Variants in PLXNB2 observed in about 807,000 individuals in gnomAD.
PLXNB2 encodes plexin B2, also known as plexin-B2.
In PLXNB2, 85 loss-of-function variants were observed where a neutral mutation model predicts 202.6. The observed-to-expected ratio is 0.42, with a 90% CI of 0.35 to 0.50. The LOEUF (loss-of-function observed/expected upper bound fraction) is 0.50. Ranked by LOEUF, PLXNB2 falls within the 20% of genes least tolerant of loss-of-function variation. PLXNB2 has a pLI of 0.02. For synonymous variants in PLXNB2, 1,239 were observed against 1,137.6 expected, an observed-to-expected ratio of 1.09 and a Z score of -1.79; for missense variants, 2,063 against 2,586.2, an observed-to-expected ratio of 0.80 and a Z score of 4.39.
intron 1 of PLXNB2, among the ~76,000 whole-genome samples, 168 bp from the exon 2 acceptor site, chr22:50,294,946 C>G (rs1256123177): frequency 6.6e-6 from 1 of 152,210 alleles, no homozygotes; most frequent in African/African-American, 2.4e-5. Context: ...CAGACACCTC[C>G]AGGGCTCCTG....
chr22:50,282,054 T>C lies in PLXNB2; in HGVS notation c.3145A>G (p.Asn1049Asp), dbSNP rs1166542517. 3 of 1,612,322 alleles carry C rather than the reference T, an allele frequency of 1.9e-6. No individual in the cohort carries two copies. The highest frequency in any genetic ancestry group is 2.2e-5 in the South Asian group (2 of 91,088). Residue 1049 changes from asparagine to aspartate, a missense_variant, in exon 20 of 37, where the codon AAT becomes GAT. By Grantham distance (23) the Asn-to-Asp change is conservative. Coordinates refer to ENST00000359337, the MANE Select transcript of PLXNB2 (RefSeq NM_012401.4). ...GACAGGAAGACGACCTTGGTGTCAT[T>C]GTGGAACACGTAGTCTGTACCCACC... is the stretch of plus-strand genomic sequence containing the variant. ...TVVGTDYVFH[N>D]DTKVVFLSPA...
In PLXNB2 at chr22:50,289,660, C is replaced by T. The variant is rs1242732256; in HGVS notation, c.925G>A (p.Ala309Thr). Residue 309 changes from alanine to threonine, a missense_variant, in exon 3 of 37, where the codon GCG becomes ACG. By Grantham distance (58) the Ala-to-Thr change is moderately conservative. Around this residue, in one of 2 missense-constraint regions of PLXNB2, gnomAD observed 1,303 missense variants for 1,476.8 expected, o/e 0.88. Coordinates refer to ENST00000359337, the MANE Select transcript of PLXNB2 (RefSeq NM_012401.4). This position sits in a 1 kb window ranked among gnomAD's most constrained non-coding sequence, Gnocchi z 8.0. ...TCCAGCGGGAACAGGCAGAGGCCCG[C>T]ACCGGGCCCCCCACTGCTCCGGCTG... ...RDSRSSGGPG[A>T]GLCLFPLDKV... The T allele has an allele frequency of 1.2e-6, 2 of 1,609,558 alleles. No homozygotes were observed. Among genetic ancestry groups the T allele is most frequent in the African/African-American group, 2.7e-5 (2 of 74,954 alleles).
Position 50,277,909 on chromosome 22 carries a change from C to T in PLXNB2, c.4992G>A (p.Gln1664=). Residue 1664 remains glutamine, a synonymous_variant, in exon 32 of 37, where the codon CAG becomes CAA. Transcript: ENST00000359337. ...VKYFFDFLDE[Q]AEKHNIQDED... is the part of the protein sequence containing the mutation. ...CATCCTGGATGTTGTGCTTCTCTGC[C>T]TGCTCGTCCAGGAAGTCGAAGAAGT... 6.2e-7 allele frequency: 1 copy of T among 1,613,244 alleles called. No homozygotes were observed. The highest frequency in any genetic ancestry group is 8.5e-7 in the Non-Finnish European group (1 of 1,179,984).
intron 1 of PLXNB2, among the ~76,000 whole-genome samples, chr22:50,304,545 C>T (rs2147732204): frequency 6.6e-6 from 1 of 152,170 alleles, no homozygotes; most frequent in East Asian, 1.9e-4. Flanking sequence ...AGAAGCAGGC[C>T]CTGTGTCAAG....
intron 2 of PLXNB2, among the ~76,000 whole-genome samples, chr22:50,293,342 C>T (rs867260526): frequency 2.6e-5 from 4 of 152,200 alleles, no homozygotes; most frequent in Non-Finnish European, 5.9e-5. Flanking sequence ...AGCGCCTGCC[C>T]GAAGGCTCCC....
At chr22:50,293,509 G>A (rs945492657) in intron 2 of PLXNB2, among the ~76,000 whole-genome samples, 2 of 152,032 alleles carry the variant, frequency 1.3e-5, no homozygotes, top group Non-Finnish European at 2.9e-5. Flanking sequence ...TCCCAGCCCC[G>A]CTCACCCGGC....
In PLXNB2 at chr22:50,284,639, G is replaced by C. The variant is rs200637738; in HGVS notation, c.2115C>G (p.Asp705Glu). The change falls in exon 12 of 37, where the codon GAC (aspartate) becomes GAG (glutamate). Residue 705 changes from aspartate (D) to glutamate (E), a missense_variant. Transcript: ENST00000359337. This position sits in a 1 kb window ranked among gnomAD's most constrained non-coding sequence, Gnocchi z 8.0. The part of the protein sequence containing the change: ...VKGSSLHVGS[D>E]LLKFMEPVTM... ...TCACCGGCTCCATGAACTTGAGCAA[G>C]TCACTGCCCACGTGCAGGGAGGAAC... 2.8e-4 allele frequency: 448 copies of C among 1,612,622 alleles called. 3 individuals carry two copies. The Middle Eastern group carries it at 3.3e-3, about 12-fold the overall frequency.
chr22:50,307,541 C>G lies in PLXNB2; in HGVS notation c.-74+12G>C. The stretch of plus-strand genomic sequence containing the variant: ...AGACGTCCCCCGCAGCCCAGTCCCC[C>G]GAGCTCGGTACCTGCACGTCCGCCG... On this transcript the variant is annotated intron_variant, in intron 1 of 36. Transcript: ENST00000359337. 1.1e-5 allele frequency: 11 copies of G among 981,484 alleles called. No individual in the cohort carries two copies. The highest frequency in any genetic ancestry group is 1.1e-5 in the Non-Finnish European group (9 of 828,030). The allele number at this position is 981,484 out of a possible 1,614,324, so 60.8% of individuals were successfully genotyped here. A position where few individuals can be genotyped will look rare whatever the true frequency, so the allele number is the denominator to read the frequency against.
chr22:50,281,201 A>G lies in PLXNB2; in HGVS notation c.3663-12T>C, dbSNP rs2147373924. ...GCTGGCTCTTCCTCCTGCAAGGCAC[A>G]GCGGGCCTCCTAGGTTCTGCCGGGG... On this transcript the variant is annotated splice_polypyrimidine_tract_variant and intron_variant, in intron 22 of 36. Transcript: ENST00000359337. The G allele has an allele frequency of 1.9e-6, 3 of 1,607,068 alleles. No homozygotes were observed. The highest frequency in any genetic ancestry group is 1.1e-5 in the South Asian group (1 of 90,504).
chr22:50,300,282 G>A (rs542944112), intron 1 of PLXNB2: 1 of 985,302 alleles, frequency 1.0e-6, no homozygotes, highest in Admixed American at 6.1e-5. Flanking sequence ...CTCACCTGGC[G>A]TCGGGCACAT....
At position 50,283,085 on chromosome 22, in the gene PLXNB2, G is replaced by A. The variant is rs772970097; in HGVS notation, c.2781C>T (p.Asp927=). ...GTHLDTGSQE[D]VRVTLNGVPC... is the part of the protein sequence containing the mutation. ...GGACGCCGTTGAGGGTCACCCGCAC[G>A]TCCTCCTGGGAGCCCGTGTCCAGGT... The change falls in exon 17 of 37, where the codon GAC becomes GAT. Residue 927 remains aspartate, a synonymous_variant. Transcript: ENST00000359337. The A allele has an allele frequency of 1.2e-5, 19 of 1,608,872 alleles. No homozygotes were observed. The highest frequency in any genetic ancestry group is 3.3e-4 in the Middle Eastern group (2 of 6,046).
chr22:50,294,200 T>TAG (rs2067095771), intron 2 of PLXNB2, among the ~76,000 whole-genome samples: 1 of 152,226 alleles, frequency 6.6e-6, no homozygotes, highest in Non-Finnish European at 1.5e-5. Context: ...GACCCCCACT[T>TAG]ACGGGGCTGG....
intron 1 of PLXNB2, among the ~76,000 whole-genome samples, chr22:50,299,892 C>A (rs967085489): frequency 6.6e-6 from 1 of 152,150 alleles, no homozygotes; most frequent in African/African-American, 2.4e-5. Flanking sequence ...TCCTCGCAGG[C>A]CGACCCAGGT....
At chr22:50,281,764 G>A (rs753415131) in intron 20 of PLXNB2, 22 bp from the exon 21 acceptor site, 4 of 1,562,964 alleles carry the variant, frequency 2.6e-6, no homozygotes, top group African/African-American at 2.7e-5. Flanking sequence ...GCAGTGGTCG[G>A]GGTGAGGAGG....
intron 1 of PLXNB2, among the ~76,000 whole-genome samples, chr22:50,296,016 C>T (rs1223232806): frequency 1.3e-5 from 2 of 152,088 alleles, no homozygotes; most frequent in Non-Finnish European, 2.9e-5. Context: ...GCAAGATAAT[C>T]GCTTGAACCT....
At chr22:50,294,341 G>GC (rs1414170970) in intron 2 of PLXNB2, among the ~76,000 whole-genome samples, 1 of 152,138 alleles carries the variant, frequency 6.6e-6, no homozygotes, top group Non-Finnish European at 1.5e-5. Flanking sequence ...CCAGGCCACA[G>GC]CAACTCCAGC....
chr22:50,280,714 G>GGGGGCCCCCCCC, intron 24 of PLXNB2, 30 bp downstream of exon 24: 1 of 1,528,954 alleles, frequency 6.5e-7, no homozygotes, highest in Non-Finnish European at 8.9e-7. Flanking sequence ...CCACCTGTGT[G>GGGGGCCCCCCCC]CCCTCCCGCC....
intron 1 of PLXNB2, among the ~76,000 whole-genome samples, chr22:50,302,365 C>T (rs950451077): frequency 3.3e-5 from 5 of 152,154 alleles, no homozygotes; most frequent in African/African-American, 9.7e-5. Context: ...AGGTGATGCC[C>T]GTGGCTGGAG....
intron 1 of PLXNB2, among the ~76,000 whole-genome samples, chr22:50,306,194 C>G (rs2067876461): frequency 6.6e-6 from 1 of 152,222 alleles, no homozygotes; most frequent in African/African-American, 2.4e-5. Flanking sequence ...CCCTCCTCTA[C>G]TGGGGCAAGG....
Sources: gnomAD v4.1 joint callset for allele counts (sites outside exome capture counted in the v4.1 genomes callset) on GRCh38, gnomAD v4.1.1 for gene constraint, gnomAD v4.1.1 regional missense constraint, Gnocchi (gnomAD v3.1) non-coding constraint, MANE v1.5 for transcripts, NCBI Gene and HGNC (gene_info 2026-07-23, HGNC 2026-07-21) for gene names.